TENM1: variants seen among roughly 807,000 people sequenced by gnomAD.
TENM1 encodes the protein teneurin transmembrane protein 1, also known as teneurin-1.
A neutral mutation model predicts 174.8 loss-of-function variants in TENM1; 35 were observed. The observed-to-expected ratio is 0.20, with a 90% CI of 0.15 to 0.27. TENM1 has a LOEUF of 0.27. TENM1 is among the 10% of genes least tolerant of loss of function. The pLI, the probability that TENM1 is intolerant of heterozygous loss-of-function variation, is 1.00. For missense variants in TENM1, 1,633 were observed against 2,130.1 expected (o/e 0.77, Z 4.59); for synonymous variants, 781 against 798.7 (o/e 0.98, Z 0.37).
rs571338277 is a variant in TENM1 at position 124,752,925 on chromosome X, A to G, written c.536-15728T>C. ...GTAGTATAGTTTGAAGTCAGGTAGC[A>G]TGATGCCTCCAGCTTTGTTCTTTTG... On this transcript the variant is annotated intron_variant, in intron 3 of 31. Transcript: ENST00000422452. Among the ~76,000 whole-genome samples, 4 of 110,527 alleles carry G rather than the reference A, an allele frequency of 3.6e-5. No individual in the cohort carries two copies. The East Asian group carries it at 8.5e-4, about 24-fold the overall frequency.
chrX:124,475,283 G>T (rs1366887694), intron 22 of TENM1, among the ~76,000 whole-genome samples: 1 of 111,013 alleles, frequency 9.0e-6, no homozygotes, highest in Non-Finnish European at 1.9e-5. Flanking sequence ...CCTATTCTAG[G>T]CCGACTTCCT....
At chrX:124,595,383 T>C (rs1229231121) in intron 11 of TENM1, among the ~76,000 whole-genome samples, 1 of 111,677 alleles carries the variant, frequency 9.0e-6, no homozygotes, top group African/African-American at 3.2e-5. Flanking sequence ...ATTTTATTTG[T>C]TAATTATGTC....
the TENM1 span, among the ~76,000 whole-genome samples, chrX:125,141,352 G>C: frequency 8.9e-6 from 1 of 111,880 alleles, no homozygotes; most frequent in Non-Finnish European, 1.9e-5. Context: ...CAGATGTGCA[G>C]AAAGAAGCCA....
intron 4 of TENM1, among the ~76,000 whole-genome samples, chrX:124,733,636 A>G (rs1260212735): frequency 8.9e-6 from 1 of 112,201 alleles, no homozygotes; most frequent in East Asian, 2.8e-4. Context: ...TATTTGAACA[A>G]TGCTAGTTGA....
At chrX:124,939,519 G>A (rs1396194005) in intron 1 of TENM1, among the ~76,000 whole-genome samples, 1 of 111,374 alleles carries the variant, frequency 9.0e-6, no homozygotes, top group African/African-American at 3.3e-5. Flanking sequence ...TCCCAGGAAC[G>A]TGGCCCTCAA....
At chrX:124,671,866 T>C (rs1456261516) in intron 5 of TENM1, 31 bp from the exon 9 acceptor site, 4 of 1,196,684 alleles carry the variant, frequency 3.3e-6, no homozygotes, top group Non-Finnish European at 4.5e-6. Context: ...CATTAATTTA[T>C]TCCAGACTCA....
chrX:125,139,823 A>AACACAC, the TENM1 span, among the ~76,000 whole-genome samples: 4 of 78,525 alleles, frequency 5.1e-5, no homozygotes, highest in African/African-American at 1.9e-4. Flanking sequence ...AGCTGCCCTC[A>AACACAC]ACACACACAC....
chrX:125,005,189 TACACACACACACACACACAC>T, the TENM1 span, among the ~76,000 whole-genome samples: 596 of 88,781 alleles, frequency 6.7e-3, 9 homozygotes, highest in African/African-American at 0.022. Flanking sequence ...GATGTATACA[TACACACACACACACACACAC>T]ACACACACAC....
intron 4 of TENM1, among the ~76,000 whole-genome samples, chrX:124,718,326 CA>C (rs1021122456): frequency 8.9e-6 from 1 of 112,113 alleles, no homozygotes; most frequent in South Asian, 3.7e-4. Context: ...TTAGTTGCTT[CA>C]GGGGTCACTC....
At chrX:124,775,780 G>C (rs191574301) in intron 3 of TENM1, among the ~76,000 whole-genome samples, 2 of 112,088 alleles carry the variant, frequency 1.8e-5, no homozygotes, top group African/African-American at 6.5e-5. Flanking sequence ...TGTTATGGTA[G>C]AAAGTACAGG....
At chrX:124,498,848 C>T in intron 19 of TENM1, among the ~76,000 whole-genome samples, 1 of 111,435 alleles carries the variant, frequency 9.0e-6, no homozygotes, top group Middle Eastern at 4.6e-3. Flanking sequence ...CTCTGTCTTA[C>T]TCCTTTCTGC....
intron 11 of TENM1, among the ~76,000 whole-genome samples, chrX:124,610,183 C>T (rs1056335658): frequency 1.8e-5 from 2 of 111,979 alleles, no homozygotes; most frequent in African/African-American, 6.5e-5. Flanking sequence ...GCTAATTTGT[C>T]CAAAATCCTA....
intron 5 of TENM1, among the ~76,000 whole-genome samples, chrX:124,687,430 C>T (rs1201021447): frequency 8.9e-6 from 1 of 111,750 alleles, no homozygotes. Flanking sequence ...AACTTTAACT[C>T]AAGATGGATT....
Position 124,721,777 on chromosome X carries a change from A to C in TENM1, c.776+15180T>G, listed in dbSNP as rs1190885952. Among the ~76,000 whole-genome samples, 3 of 112,328 alleles carry C rather than the reference A, an allele frequency of 2.7e-5. No homozygotes were observed. In the Admixed American group the frequency reaches 2.8e-4, roughly 11 times the overall value. Reference sequence around the variant, plus strand: ...TATTAAAATTTCCCAAGACTCAGTTATTTTACCATTAAATTGGGCATAGTT... The same window carrying C: ...TATTAAAATTTCCCAAGACTCAGTTCTTTTACCATTAAATTGGGCATAGTT... On this transcript the variant is annotated intron_variant, in intron 4 of 31. Coordinates refer to ENST00000422452, the Ensembl canonical transcript of TENM1.
At chrX:125,038,557 T>C in the TENM1 span, among the ~76,000 whole-genome samples, 4 of 111,549 alleles carry the variant, frequency 3.6e-5, no homozygotes, top group South Asian at 1.1e-3. Context: ...TGACTTTTAC[T>C]ATAATTTTCT....
chrX:124,394,277 C>A (rs746267747), intron 27 of TENM1, among the ~76,000 whole-genome samples: 10 of 112,316 alleles, frequency 8.9e-5, no homozygotes, highest in African/African-American at 2.6e-4. Flanking sequence ...CTTTTGTGGT[C>A]AAGGATCTGT....
chrX:125,183,141 A>G, the TENM1 span, among the ~76,000 whole-genome samples: 1 of 112,333 alleles, frequency 8.9e-6, no homozygotes, highest in African/African-American at 3.2e-5. Flanking sequence ...CAGAATAGCC[A>G]TGTTAATATA....
the TENM1 span, among the ~76,000 whole-genome samples, chrX:125,003,719 C>A: frequency 8.9e-6 from 1 of 111,747 alleles, no homozygotes; most frequent in African/African-American, 3.3e-5. Context: ...GCTCCAGTAA[C>A]TTGTGTGCTT....
chrX:124,461,152 A>G (rs5911857), intron 22 of TENM1, among the ~76,000 whole-genome samples: 41,360 of 110,983 alleles, frequency 0.37, 5,808 homozygotes, highest in African/African-American at 0.51. Flanking sequence ...TACTATTATC[A>G]TAGAATTACC....
Sources: gnomAD v4.1 joint callset for allele counts (sites outside exome capture counted in the v4.1 genomes callset) on GRCh38, gnomAD v4.1.1 for gene constraint, MANE v1.5 for transcripts, NCBI Gene and HGNC (gene_info 2026-07-23, HGNC 2026-07-21) for gene names.